Variants in F13B observed in about 807,000 individuals in gnomAD.
The protein encoded by F13B is coagulation factor XIII B chain.
Under a neutral mutation model 79.8 loss-of-function variants are expected in F13B, and 58 were observed. That is an observed-to-expected ratio of 0.73 (90% confidence interval 0.59 to 0.90). F13B has a LOEUF of 0.90. F13B is among the 40% of genes least tolerant of loss of function. F13B has a pLI of 0.00. For synonymous variants in F13B, 283 were observed against 260.3 expected (o/e 1.09, Z -0.84); for missense variants, 773 against 777.0 (o/e 0.99, Z 0.06).
chr1:197,057,583 G>C, intron 5 of F13B, 118 bp from the exon 6 acceptor site: 1 of 1,094,226 alleles, frequency 9.1e-7, no homozygotes, highest in Non-Finnish European at 1.3e-6. Context: ...GATTCTAGGA[G>C]CATTCCTTTG....
At chr1:197,041,824 G>C (rs762939720) in intron 10 of F13B, among the ~76,000 whole-genome samples, 1 of 152,102 alleles carries the variant, frequency 6.6e-6, no homozygotes, top group African/African-American at 2.4e-5. Context: ...AAACTAGCAT[G>C]GATTTCTTTT....
intron 4 of F13B, 28 bp from the exon 5 acceptor site, chr1:197,060,570 C>T: frequency 6.9e-7 from 1 of 1,457,330 alleles, no homozygotes; most frequent in Non-Finnish European, 9.5e-7. Flanking sequence ...AATAAAATTA[C>T]AAACAAATGT....
intron 11 of F13B, among the ~76,000 whole-genome samples, 174 bp from the exon 12 acceptor site, chr1:197,039,585 T>C (rs1654962408): frequency 6.6e-6 from 1 of 152,090 alleles, no homozygotes; most frequent in Admixed American, 6.6e-5. Context: ...AAAAATGCAA[T>C]ATTATTTACT....
At chr1:197,052,348 G>A (rs995867025) in intron 9 of F13B, among the ~76,000 whole-genome samples, 2 of 152,056 alleles carry the variant, frequency 1.3e-5, no homozygotes, top group Non-Finnish European at 2.9e-5. Flanking sequence ...TTCAACCATT[G>A]TGGAAGACAG....
intron 1 of F13B, among the ~76,000 whole-genome samples, chr1:197,064,050 G>T (rs1326132145): frequency 6.6e-6 from 1 of 152,134 alleles, no homozygotes; most frequent in South Asian, 2.1e-4. Flanking sequence ...AATGGTTAGA[G>T]ACCTGGTACT....
chr1:197,064,345 T>A (rs1441978007), intron 1 of F13B, among the ~76,000 whole-genome samples: 1 of 152,144 alleles, frequency 6.6e-6, no homozygotes, highest in Non-Finnish European at 1.5e-5. Context: ...ATGCTTATAG[T>A]GGCAGTATTC....
chr1:197,040,796 G>T, intron 10 of F13B, 61 bp from the exon 11 acceptor site: 1 of 1,374,644 alleles, frequency 7.3e-7, no homozygotes, highest in Non-Finnish European at 1.0e-6. Flanking sequence ...GTTACATCTT[G>T]GTAAGAACAG....
In F13B at chr1:197,060,363, T is replaced by A. The variant is rs773247568; in HGVS notation, c.805+3A>T. On this transcript the variant is annotated splice_donor_region_variant and intron_variant, in intron 5 of 11. Transcript: ENST00000367412. ...TTTGCGAGTATTAAATTTAAAAATT[T>A]ACCTTCGCATACAGGAGATTCTGGG... 1.2e-6 allele frequency: 2 copies of A among 1,608,544 alleles called. No homozygotes were observed. The highest frequency in any genetic ancestry group is 1.3e-5 in the African/African-American group (1 of 74,908).
At position 197,039,030 on chromosome 1, in the gene F13B, AGAT is replaced by A. The variant is rs1434899939; in HGVS notation, c.*345_*347del. ...GTAACAAAAGCCTTAATATTAATAA[AGAT>A]GATGACGAATGTGAATGTGAAATTT... On this transcript the variant is annotated 3_prime_UTR_variant, in exon 12 of 12. Coordinates refer to ENST00000367412, the MANE Select transcript of F13B (RefSeq NM_001994.3). Among the ~76,000 whole-genome samples the A allele has an allele frequency of 1.3e-5, 2 of 152,146 alleles. No individual in the cohort carries two copies. The highest frequency in any genetic ancestry group is 2.1e-4 in the South Asian group (1 of 4,830).
chr1:197,053,723 G>C lies in F13B; in HGVS notation c.1355-889C>G, dbSNP rs185233464. On this transcript the variant is annotated intron_variant, in intron 8 of 11. Transcript: ENST00000367412. The stretch of plus-strand genomic sequence containing the variant: ...GGGGGTAACAAAAGAGCTAGGTGAA[G>C]AGAAGTTGCACTTTTCAGTAAGGTG... Among the ~76,000 whole-genome samples, 3 of 152,270 alleles carry C rather than the reference G, an allele frequency of 2.0e-5. No homozygotes were observed. In the East Asian group the frequency reaches 5.8e-4, roughly 29 times the overall value.
Position 197,067,191 on chromosome 1 carries a change from T to C in F13B, c.33A>G (p.Ile11Met). The C allele has an allele frequency of 6.2e-7, 1 of 1,608,476 alleles. No individual in the cohort carries two copies. Among genetic ancestry groups the C allele is most frequent in the Non-Finnish European group, 8.5e-7 (1 of 1,175,518 alleles). MRLKNLTFII[I>M]LIISGELYAE... The stretch of plus-strand genomic sequence containing the variant: ...CATAGAGTTCTCCTGAGATTATCAA[T>C]ATGATGATAAAAGTCAGGTTTTTCA... The change falls in exon 1 of 12, where the codon ATA becomes ATG. Residue 11 changes from isoleucine (I) to methionine (M), a missense_variant. By Grantham distance (10) the Ile-to-Met change is conservative (BLOSUM62 1). Coordinates refer to ENST00000367412, the MANE Select transcript of F13B (RefSeq NM_001994.3).
intron 10 of F13B, among the ~76,000 whole-genome samples, chr1:197,048,858 C>A (rs1345778354): frequency 6.6e-6 from 1 of 151,868 alleles, no homozygotes; most frequent in Non-Finnish European, 1.5e-5. Context: ...TTACCTAAAG[C>A]AAATACATGC....
chr1:197,060,287 C>A, intron 5 of F13B, 79 bp downstream of exon 5: 1 of 1,060,494 alleles, frequency 9.4e-7, no homozygotes, highest in African/African-American at 1.6e-5. Context: ...GATATGACCA[C>A]AGGAATTTTG....
intron 1 of F13B, among the ~76,000 whole-genome samples, chr1:197,064,897 C>T (rs1216414148): frequency 1.3e-5 from 2 of 152,054 alleles, no homozygotes; most frequent in Non-Finnish European, 2.9e-5. Context: ...ATTACTACGG[C>T]TTCAATGCCT....
At chr1:197,053,269 G>A (rs893575957) in intron 8 of F13B, among the ~76,000 whole-genome samples, 1 of 152,068 alleles carries the variant, frequency 6.6e-6, no homozygotes, top group African/African-American at 2.4e-5. Context: ...TGTATAATTT[G>A]TGGCTGATAT....
intron 4 of F13B, 84 bp from the exon 5 acceptor site, chr1:197,060,626 T>A: frequency 1.0e-6 from 1 of 981,222 alleles, no homozygotes; most frequent in Non-Finnish European, 1.5e-6. Flanking sequence ...ATGACATAAC[T>A]AGAATAGAAA....
intron 9 of F13B, among the ~76,000 whole-genome samples, chr1:197,051,878 T>G (rs1655453186): frequency 6.6e-6 from 1 of 152,186 alleles, no homozygotes; most frequent in South Asian, 2.1e-4. Context: ...TGTTCGTTTT[T>G]TTCTTGTAAA....
In F13B at chr1:197,040,331, A is replaced by G. The variant is rs537956552; in HGVS notation, c.1952+191T>C. ...GCAAACGTTGCTTTCACTTCAGACAATTCAGAAGGCCTGTTGAATTGATTA... is the reference window on the plus strand; with the variant it reads ...GCAAACGTTGCTTTCACTTCAGACAGTTCAGAAGGCCTGTTGAATTGATTA... On this transcript the variant is annotated intron_variant, in intron 11 of 11. Coordinates refer to ENST00000367412, the MANE Select transcript of F13B (RefSeq NM_001994.3). The G allele has an allele frequency of 5.0e-5, 28 of 554,938 alleles. No individual in the cohort carries two copies. The South Asian group carries it at 6.3e-4, about 13-fold the overall frequency. 34.4% of individuals were successfully genotyped at this position (554,938 alleles called of 1,614,324 possible). A position where few individuals can be genotyped will look rare whatever the true frequency, so the allele number is the denominator to read the frequency against.
chr1:197,055,288 T>C (rs1278289651), intron 8 of F13B, among the ~76,000 whole-genome samples: 1 of 152,020 alleles, frequency 6.6e-6, no homozygotes, highest in Non-Finnish European at 1.5e-5. Flanking sequence ...CAATATACTC[T>C]ATATAATATA....
Sources: gnomAD v4.1 joint callset for allele counts (sites outside exome capture counted in the v4.1 genomes callset) on GRCh38, gnomAD v4.1.1 for gene constraint, MANE v1.5 for transcripts, NCBI Gene and HGNC (gene_info 2026-07-23, HGNC 2026-07-21) for gene names.